The following ENOX1 variants were observed in gnomAD, a reference collection of about 807,000 sequenced individuals.
The protein encoded by ENOX1 is ecto-NOX disulfide-thiol exchanger 1, also known as candidate growth-related and time keeping constitutive hydroquinone (NADH) oxidase.
Under a neutral mutation model 82.5 loss-of-function variants are expected in ENOX1, and 42 were observed. The ratio of observed to expected loss-of-function variants is 0.51; its 90% CI spans 0.40 to 0.66. The LOEUF (loss-of-function observed/expected upper bound fraction) is 0.66. Among genes scored for constraint, ENOX1 ranks in the 30% least tolerant of loss-of-function variants. The pLI, the probability that ENOX1 is intolerant of heterozygous loss-of-function variation, is 0.00. For synonymous variants in ENOX1, 271 were observed against 282.2 expected, an observed-to-expected ratio of 0.96 and a Z score of 0.40; for missense variants, 608 against 811.6, an observed-to-expected ratio of 0.75 and a Z score of 3.05.
intron 5 of ENOX1, among the ~76,000 whole-genome samples, chr13:43,398,983 G>A (rs1370653339): frequency 6.6e-6 from 1 of 150,944 alleles, no homozygotes; most frequent in Admixed American, 6.6e-5. Context: ...TCAGAGGTAG[G>A]TTTTACCACC....
intron 1 of ENOX1, among the ~76,000 whole-genome samples, chr13:43,754,491 C>T (rs1020651340): frequency 5.9e-5 from 9 of 151,628 alleles, no homozygotes; most frequent in African/African-American, 2.2e-4. Flanking sequence ...TGCCACTACG[C>T]CTGGCTAGTT....
At chr13:43,320,349 A>G (rs943031494) in intron 11 of ENOX1, among the ~76,000 whole-genome samples, 5 of 152,182 alleles carry the variant, frequency 3.3e-5, no homozygotes, top group Non-Finnish European at 7.3e-5. Context: ...CATGCCCTGC[A>G]CTTTGCTCAT....
intron 2 of ENOX1, among the ~76,000 whole-genome samples, chr13:43,560,165 C>A (rs893038272): frequency 6.6e-6 from 1 of 152,130 alleles, no homozygotes; most frequent in African/African-American, 2.4e-5. Flanking sequence ...CAACATTGTT[C>A]TGTATCATTG....
chr13:43,458,503 T>TA (rs984432125), intron 3 of ENOX1: 1 of 152,200 alleles, frequency 6.6e-6, no homozygotes, highest in African/African-American at 2.4e-5. Flanking sequence ...ACGCATCAGT[T>TA]AGCCACTGAA....
chr13:43,648,766 T>G (rs1227923029), intron 2 of ENOX1, among the ~76,000 whole-genome samples: 1 of 152,238 alleles, frequency 6.6e-6, no homozygotes, highest in Non-Finnish European at 1.5e-5. Context: ...TACCATATTT[T>G]ATGAACAGTG....
At chr13:43,278,115 C>A (rs1424853730) in intron 12 of ENOX1, among the ~76,000 whole-genome samples, 1 of 152,206 alleles carries the variant, frequency 6.6e-6, no homozygotes, top group Non-Finnish European at 1.5e-5. Context: ...ACTCTCCTTC[C>A]TCATAACAAT....
At chr13:43,302,787 TTTAAG>T (rs1444208130) in intron 11 of ENOX1, among the ~76,000 whole-genome samples, 1 of 152,238 alleles carries the variant, frequency 6.6e-6, no homozygotes, top group Non-Finnish European at 1.5e-5. Flanking sequence ...GCTTAACTTC[TTTAAG>T]TAAATAATCT....
intron 2 of ENOX1, among the ~76,000 whole-genome samples, chr13:43,517,413 A>T (rs1296449341): frequency 1.3e-5 from 2 of 152,008 alleles, no homozygotes; most frequent in Admixed American, 1.3e-4. Context: ...CAGAAGAATC[A>T]CTTGAACCTA....
chr13:43,404,362 T>A (rs1382902596), intron 5 of ENOX1, among the ~76,000 whole-genome samples: 1 of 152,200 alleles, frequency 6.6e-6, no homozygotes, highest in Non-Finnish European at 1.5e-5. Context: ...TTCTCTTCTT[T>A]GAAGAGGATA....
intron 9 of ENOX1, among the ~76,000 whole-genome samples, chr13:43,340,616 A>G (rs956271814): frequency 6.6e-6 from 1 of 152,234 alleles, no homozygotes; most frequent in African/African-American, 2.4e-5. Flanking sequence ...CTAGCCTCTG[A>G]CCAAGAATTT....
At chr13:43,681,076 C>T (rs144957589) in intron 1 of ENOX1, among the ~76,000 whole-genome samples, 2 of 152,292 alleles carry the variant, frequency 1.3e-5, no homozygotes, top group African/African-American at 4.8e-5. Flanking sequence ...GAAGGCCACA[C>T]TTGCTGCAGC....
intron 5 of ENOX1, among the ~76,000 whole-genome samples, chr13:43,402,072 G>C (rs2153590750): frequency 6.6e-6 from 1 of 152,160 alleles, no homozygotes; most frequent in South Asian, 2.1e-4. Flanking sequence ...AATCAATCAA[G>C]ACAGAGATTC....
At chr13:43,589,441 A>G (rs1046814527) in intron 2 of ENOX1, among the ~76,000 whole-genome samples, 3 of 152,034 alleles carry the variant, frequency 2.0e-5, no homozygotes, top group East Asian at 1.9e-4. Context: ...AGAATCTACA[A>G]CAGAAGACCA....
chr13:43,341,147 A>T (rs1470992901), intron 9 of ENOX1, among the ~76,000 whole-genome samples: 1 of 152,068 alleles, frequency 6.6e-6, no homozygotes, highest in Non-Finnish European at 1.5e-5. Flanking sequence ...AATACAAAAA[A>T]TCAGATGGGC....
intron 14 of ENOX1, among the ~76,000 whole-genome samples, chr13:43,242,135 CTGAGA>C (rs772007929): frequency 3.3e-5 from 5 of 152,330 alleles, no homozygotes; most frequent in South Asian, 2.1e-4. Flanking sequence ...CAAATCTACT[CTGAGA>C]TATTTCCAGT....
At chr13:43,773,977 TGTTA>T (rs752632674) in intron 1 of ENOX1, among the ~76,000 whole-genome samples, 27 of 152,176 alleles carry the variant, frequency 1.8e-4, no homozygotes, top group Middle Eastern at 3.2e-3. Flanking sequence ...AAAAATAAAA[TGTTA>T]GTTATTCTAA....
At chr13:43,728,181 G>C (rs1349018724) in intron 1 of ENOX1, among the ~76,000 whole-genome samples, 1 of 152,140 alleles carries the variant, frequency 6.6e-6, no homozygotes, top group East Asian at 1.9e-4. Context: ...CAAGTGACCT[G>C]TGAATCAAAC....
intron 8 of ENOX1, among the ~76,000 whole-genome samples, chr13:43,349,509 C>A (rs1594080940): frequency 6.6e-6 from 1 of 152,000 alleles, no homozygotes; most frequent in East Asian, 1.9e-4. Context: ...TTCCTTCTCC[C>A]TCTCTTCCAC....
At chr13:43,427,002 G>A (rs2055347240) in intron 3 of ENOX1, among the ~76,000 whole-genome samples, 1 of 152,060 alleles carries the variant, frequency 6.6e-6, no homozygotes, top group African/African-American at 2.4e-5. Flanking sequence ...CTTAACTACT[G>A]GCTAATTCAC....
Sources: allele counts gnomAD v4.1 joint callset (sites outside exome capture counted in the v4.1 genomes callset), GRCh38; gene constraint gnomAD v4.1.1; transcripts MANE v1.5; gene names NCBI Gene and HGNC (gene_info 2026-07-23, HGNC 2026-07-21).